TEKTL1: variants seen among roughly 807,000 people sequenced by gnomAD.
The protein encoded by TEKTL1 is tektin like 1.
At chr19:15,011,129 C>T in the TEKTL1 span, 7 of 1,533,404 alleles carry the variant, frequency 4.6e-6, no homozygotes, top group East Asian at 1.5e-4. Context: ...CAAGATGAAG[C>T]CGCCCGCCTG....
the TEKTL1 span, among the ~76,000 whole-genome samples, chr19:15,014,925 C>T: frequency 0.088 from 13,462 of 152,138 alleles, 836 homozygotes; most frequent in South Asian, 0.22. Context: ...GGATCATGCC[C>T]ATAATCTCAG....
At chr19:15,014,076 G>T in the TEKTL1 span, among the ~76,000 whole-genome samples, 16 of 152,270 alleles carry the variant, frequency 1.1e-4, no homozygotes, top group Non-Finnish European at 2.1e-4. Flanking sequence ...TGGGAAAATT[G>T]AGACCCAGAG....
At chr19:15,023,155 G>A in the TEKTL1 span, 7 of 1,534,028 alleles carry the variant, frequency 4.6e-6, no homozygotes, top group African/African-American at 6.9e-5. Flanking sequence ...CAGCTGATTG[G>A]ATGCTGGCTG....
chr19:15,011,088 C>G, the TEKTL1 span: 8 of 1,570,234 alleles, frequency 5.1e-6, no homozygotes, highest in Non-Finnish European at 6.9e-6. Context: ...GAGAAGCCGC[C>G]GCCAGGCGAG....
chr19:15,013,719 G>A, the TEKTL1 span: 5 of 1,613,880 alleles, frequency 3.1e-6, no homozygotes, highest in Admixed American at 1.7e-5. Context: ...AAGAGGAGCT[G>A]AAAAGCATGA....
At chr19:15,010,968 A>C in the TEKTL1 span, 2 of 1,593,838 alleles carry the variant, frequency 1.3e-6, no homozygotes, top group Non-Finnish European at 1.7e-6. Flanking sequence ...ACCATGTGGC[A>C]GCCCAAGGAC....
At chr19:15,016,185 C>CTT in the TEKTL1 span, among the ~76,000 whole-genome samples, 2,880 of 66,648 alleles carry the variant, frequency 0.043, 201 homozygotes, top group African/African-American at 0.085. Context: ...GACAGCTGTC[C>CTT]TTTTTTTTTT....
At chr19:15,021,756 C>T in the TEKTL1 span, 6 of 1,611,378 alleles carry the variant, frequency 3.7e-6, no homozygotes, top group Admixed American at 6.7e-5. Context: ...GCAGGGGTGC[C>T]GGTGGCTGGA....
chr19:15,020,578 G>A, the TEKTL1 span: 2 of 1,614,088 alleles, frequency 1.2e-6, no homozygotes, highest in Non-Finnish European at 1.7e-6. Context: ...CCACTCATGG[G>A]TGAACCTCTC....
At chr19:15,011,627 G>T in the TEKTL1 span, among the ~76,000 whole-genome samples, 4 of 151,992 alleles carry the variant, frequency 2.6e-5, no homozygotes, top group African/African-American at 9.7e-5. Context: ...TCAGCTACTT[G>T]GGAGGCTGAG....
At chr19:15,013,668 C>G in the TEKTL1 span, 2 of 1,609,138 alleles carry the variant, frequency 1.2e-6, no homozygotes, top group African/African-American at 2.7e-5. Context: ...TCCTCGTTTT[C>G]TAGGTCCCTG....
At chr19:15,014,615 A>G in the TEKTL1 span, among the ~76,000 whole-genome samples, 3 of 150,638 alleles carry the variant, frequency 2.0e-5, no homozygotes, top group African/African-American at 7.3e-5. Flanking sequence ...ACTAAATTAT[A>G]TTTCACGTAG....
At chr19:15,020,590 C>T in the TEKTL1 span, 39 of 1,613,952 alleles carry the variant, frequency 2.4e-5, no homozygotes, top group Admixed American at 2.3e-4. Context: ...GAACCTCTCC[C>T]GAGCCCCCAC....
chr19:15,021,334 G>A, the TEKTL1 span: 31 of 1,610,828 alleles, frequency 1.9e-5, no homozygotes, highest in Non-Finnish European at 2.5e-5. Context: ...ACCCCCACGC[G>A]CATCCTGGGC....
chr19:15,014,662 G>C, the TEKTL1 span, among the ~76,000 whole-genome samples: 1 of 147,894 alleles, frequency 6.8e-6, no homozygotes, highest in African/African-American at 2.5e-5. Context: ...GGGGAGTGGG[G>C]AGGAGGGGAG....
chr19:15,010,907 A>G, the TEKTL1 span: 2 of 1,572,430 alleles, frequency 1.3e-6, no homozygotes, highest in Non-Finnish European at 1.7e-6. Flanking sequence ...AGCTCAGGCC[A>G]TGGCGAGGAC....
chr19:15,022,513 G>A, the TEKTL1 span, among the ~76,000 whole-genome samples: 2 of 151,960 alleles, frequency 1.3e-5, no homozygotes, highest in Non-Finnish European at 2.9e-5. Flanking sequence ...ATTTTTAGTA[G>A]AGACAGAGTT....
the TEKTL1 span, chr19:15,020,761 C>T: frequency 1.0e-6 from 1 of 987,132 alleles, no homozygotes; most frequent in South Asian, 1.6e-5. Context: ...TGGGAAATAG[C>T]CCTAGAGTCA....
At chr19:15,021,864 G>T in the TEKTL1 span, 7 of 1,613,892 alleles carry the variant, frequency 4.3e-6, no homozygotes, top group African/African-American at 2.7e-5. Flanking sequence ...CCCCTGGTTC[G>T]CATGTACCAG....
Sources: allele counts gnomAD v4.1 joint callset (sites outside exome capture counted in the v4.1 genomes callset), GRCh38; gene constraint gnomAD v4.1.1; transcripts MANE v1.5; gene names NCBI Gene and HGNC (gene_info 2026-07-23, HGNC 2026-07-21).